STXBP6: variants seen among roughly 807,000 people sequenced by gnomAD.
STXBP6 encodes the protein syntaxin binding protein 6, also known as syntaxin-binding protein 6.
In STXBP6, 21 loss-of-function variants were observed where a neutral mutation model predicts 26.9. That is an observed-to-expected ratio of 0.78 (90% CI 0.55 to 1.12). The LOEUF (loss-of-function observed/expected upper bound fraction) is 1.12. STXBP6 is among the 50% of genes most tolerant of loss of function. The pLI is 0.00. For missense variants in STXBP6, 232 were observed against 257.9 expected (o/e 0.90, Z 0.69); for synonymous variants, 97 against 92.6 (o/e 1.05, Z -0.27).
At chr14:25,011,201 C>T (rs1467185999) in intron 1 of STXBP6, among the ~76,000 whole-genome samples, 1 of 152,132 alleles carries the variant, frequency 6.6e-6, no homozygotes, top group East Asian at 1.9e-4. Flanking sequence ...TTGACATAGT[C>T]TTTGTTTCAC....
intron 5 of STXBP6, among the ~76,000 whole-genome samples, chr14:24,814,035 T>C (rs1482117422): frequency 6.6e-6 from 1 of 152,188 alleles, no homozygotes; most frequent in Non-Finnish European, 1.5e-5. Flanking sequence ...CTCTGTCTGG[T>C]GATGCCAGTG....
At chr14:24,877,753 T>C (rs534143657) in intron 2 of STXBP6, among the ~76,000 whole-genome samples, 5 of 152,216 alleles carry the variant, frequency 3.3e-5, no homozygotes, top group Non-Finnish European at 7.4e-5. Flanking sequence ...TTTGCAAGTA[T>C]GTTTTGAGAA....
chr14:24,861,496 G>A (rs1259726797), intron 2 of STXBP6, among the ~76,000 whole-genome samples: 1 of 152,142 alleles, frequency 6.6e-6, no homozygotes, highest in African/African-American at 2.4e-5. Context: ...ATTATTTGGA[G>A]CTAGTTTCCT....
rs529943843 is a variant in STXBP6 at position 24,939,201 on chromosome 14, C to G, written c.154+35464G>C. Among the ~76,000 whole-genome samples, 9 of 152,246 alleles carry G rather than the reference C, an allele frequency of 5.9e-5. No individual in the cohort carries two copies. The East Asian group carries it at 1.5e-3, about 26-fold the overall frequency. ...ACATTTAAATCCCCTCCTAGTGCTC[C>G]GGTGACTGTGGCCAAGGCAACAGAG... On this transcript the variant is annotated intron_variant, in intron 2 of 5. Coordinates refer to ENST00000323944, the MANE Select transcript of STXBP6 (RefSeq NM_001394410.1).
chr14:24,861,472 C>T (rs528267834), intron 2 of STXBP6, among the ~76,000 whole-genome samples: 1 of 152,116 alleles, frequency 6.6e-6, no homozygotes, highest in African/African-American at 2.4e-5. Context: ...GCTACGTGGC[C>T]AAGGTGAGAA....
At chr14:24,957,117 G>A (rs2073369277) in intron 2 of STXBP6, among the ~76,000 whole-genome samples, 1 of 152,110 alleles carries the variant, frequency 6.6e-6, no homozygotes, top group Admixed American at 6.6e-5. Context: ...AAGTCCATAA[G>A]GTATGAGTTG....
intron 2 of STXBP6, among the ~76,000 whole-genome samples, chr14:24,924,685 A>G (rs886634076): frequency 6.6e-6 from 1 of 152,160 alleles, no homozygotes; most frequent in Non-Finnish European, 1.5e-5. Context: ...CTCCTGTTAC[A>G]TTCACCATTG....
chr14:24,844,938 A>G (rs2068904363), intron 4 of STXBP6, among the ~76,000 whole-genome samples: 1 of 152,122 alleles, frequency 6.6e-6, no homozygotes, highest in Admixed American at 6.6e-5. Context: ...TTAGGAGGAG[A>G]CAGGGAAGAG....
chr14:24,861,427 T>C (rs1287176226), intron 2 of STXBP6, among the ~76,000 whole-genome samples: 2 of 152,048 alleles, frequency 1.3e-5, no homozygotes, highest in African/African-American at 2.4e-5. Context: ...AGTAACTGAG[T>C]GTGGCTTCTT....
chr14:25,036,089 G>A (rs1172354207), intron 1 of STXBP6, among the ~76,000 whole-genome samples: 1 of 151,916 alleles, frequency 6.6e-6, no homozygotes, highest in East Asian at 1.9e-4. Flanking sequence ...ATGGTGGCGT[G>A]TGCCTATAAT....
In STXBP6 at chr14:25,049,847, G is replaced by T. The variant is rs1400657218; in HGVS notation, c.-33+31C>A. On this transcript the variant is annotated intron_variant, in intron 1 of 5. Coordinates refer to ENST00000323944, the MANE Select transcript of STXBP6 (RefSeq NM_001394410.1). This position sits in a 1 kb window ranked among gnomAD's most constrained non-coding sequence, Gnocchi z 5.6. ...ATCTCCCGGGCTTGGCCTCCGCCCT[G>T]ACCGCCTGGCTCCCCTCGCCCCGGT... The T allele has an allele frequency of 1.0e-6, 1 of 985,604 alleles. No homozygotes were observed. Among genetic ancestry groups the T allele is most frequent in the Non-Finnish European group, 1.2e-6 (1 of 830,146 alleles). The allele number at this position is 985,604 out of a possible 1,614,324, so 61.1% of individuals were successfully genotyped here.
chr14:24,882,249 G>C (rs2139437093), intron 2 of STXBP6, among the ~76,000 whole-genome samples: 1 of 148,944 alleles, frequency 6.7e-6, no homozygotes, highest in Admixed American at 6.7e-5. Flanking sequence ...CGTAGTGGCG[G>C]GCGCCTGTAG....
At chr14:24,896,793 A>T (rs1394240951) in intron 2 of STXBP6, among the ~76,000 whole-genome samples, 1 of 152,176 alleles carries the variant, frequency 6.6e-6, no homozygotes, top group East Asian at 1.9e-4. Context: ...GGAGAAAAGG[A>T]ACACAAGAGT....
At chr14:24,829,145 T>C (rs1208201540) in intron 4 of STXBP6, among the ~76,000 whole-genome samples, 4 of 152,132 alleles carry the variant, frequency 2.6e-5, no homozygotes, top group African/African-American at 9.7e-5. Flanking sequence ...GCACTTTGAT[T>C]AAAGTTGAAA....
chr14:24,817,071 G>A (rs999161164), intron 5 of STXBP6: 2 of 152,206 alleles, frequency 1.3e-5, no homozygotes, highest in Admixed American at 6.5e-5. Context: ...TTCTACTGAT[G>A]AGAAAACTGA....
At chr14:24,942,606 C>T (rs759012207) in intron 2 of STXBP6, among the ~76,000 whole-genome samples, 1 of 152,206 alleles carries the variant, frequency 6.6e-6, no homozygotes, top group Admixed American at 6.5e-5. Context: ...CTTGTCTCCA[C>T]GCTTTGCCCA....
chr14:25,002,603 T>A (rs1199524576), intron 1 of STXBP6, among the ~76,000 whole-genome samples: 1 of 151,768 alleles, frequency 6.6e-6, no homozygotes, highest in Non-Finnish European at 1.5e-5. Context: ...TCGTGATCCA[T>A]GTGCCTCGGC....
chr14:24,895,518 G>C (rs2139578387), intron 2 of STXBP6, among the ~76,000 whole-genome samples: 1 of 152,250 alleles, frequency 6.6e-6, no homozygotes, highest in African/African-American at 2.4e-5. Flanking sequence ...CACTCCTGGT[G>C]GTGTATCCTT....
chr14:24,959,532 G>A (rs1017648837), intron 2 of STXBP6, among the ~76,000 whole-genome samples: 52 of 152,298 alleles, frequency 3.4e-4, no homozygotes, highest in Admixed American at 3.1e-3. Context: ...CAATTTCATG[G>A]AAAAGGAGTA....
Sources: gnomAD v4.1 joint callset for allele counts (sites outside exome capture counted in the v4.1 genomes callset) on GRCh38, gnomAD v4.1.1 for gene constraint, Gnocchi (gnomAD v3.1) non-coding constraint, MANE v1.5 for transcripts, NCBI Gene and HGNC (gene_info 2026-07-23, HGNC 2026-07-21) for gene names.